Variants in LAD1 observed in about 807,000 individuals in gnomAD.
The protein encoded by LAD1 is ladinin 1, also known as ladinin-1.
Under a neutral mutation model 54.2 loss-of-function variants are expected in LAD1, and 53 were observed. That is an observed-to-expected ratio of 0.98 (90% CI 0.78 to 1.23). The LOEUF (loss-of-function observed/expected upper bound fraction) is 1.23, where lower values mean the gene tolerates loss of function less well. Ranked by LOEUF, LAD1 falls within the 50% of genes most tolerant of loss-of-function variation. The probability of loss-of-function intolerance (pLI) is 0.00; values close to 1 mark genes in which losing one functional copy is unlikely to be tolerated. For synonymous variants in LAD1, 231 were observed against 257.7 expected, an observed-to-expected ratio of 0.90 and a Z score of 0.99; for missense variants, 637 against 653.3, an observed-to-expected ratio of 0.98 and a Z score of 0.27.
intron 1 of LAD1, among the ~76,000 whole-genome samples, chr1:201,395,247 G>A (rs1662268655): frequency 6.6e-6 from 1 of 152,208 alleles, no homozygotes; most frequent in South Asian, 2.1e-4. Flanking sequence ...AAAATGGAAG[G>A]GAGGGAAGGG....
chr1:201,392,113 T>C (rs937916994), intron 1 of LAD1, among the ~76,000 whole-genome samples: 2 of 152,284 alleles, frequency 1.3e-5, no homozygotes, highest in African/African-American at 2.4e-5. Context: ...ATCTGGTTTC[T>C]AGTCCTCCTG....
intron 5 of LAD1, among the ~76,000 whole-genome samples, chr1:201,384,306 AC>A (rs1269306057): frequency 1.3e-5 from 2 of 152,032 alleles, no homozygotes; most frequent in Non-Finnish European, 2.9e-5. Context: ...ATACATAAGC[AC>A]ATCTGCTTCT....
intron 7 of LAD1, 68 bp from the exon 8 acceptor site, chr1:201,382,807 T>C: frequency 8.0e-7 from 1 of 1,248,544 alleles, no homozygotes; most frequent in Non-Finnish European, 1.1e-6. Context: ...TCAGAGGCCC[T>C]GGAATGGGAT....
At chr1:201,387,804 C>T (rs1223247243) in intron 2 of LAD1, among the ~76,000 whole-genome samples, 2 of 152,162 alleles carry the variant, frequency 1.3e-5, no homozygotes, top group African/African-American at 4.8e-5. Flanking sequence ...CCCAAAGAAA[C>T]AAAAGTAACA....
At chr1:201,395,563 G>A (rs1399513885) in intron 1 of LAD1, among the ~76,000 whole-genome samples, 4 of 152,090 alleles carry the variant, frequency 2.6e-5, no homozygotes, top group East Asian at 1.9e-4. Flanking sequence ...AGATCAGGCC[G>A]GCCAACATGG....
At chr1:201,394,881 G>C (rs1367763361) in intron 1 of LAD1, among the ~76,000 whole-genome samples, 1 of 152,160 alleles carries the variant, frequency 6.6e-6, no homozygotes, top group African/African-American at 2.4e-5. Flanking sequence ...GAGCCTCCAG[G>C]GTTCCTGGGT....
Position 201,390,694 on chromosome 1 carries a change from G to A in LAD1, c.39-1391C>T, listed in dbSNP as rs188491013. On this transcript the variant is annotated intron_variant, in intron 1 of 9. Coordinates refer to ENST00000391967, the MANE Select transcript of LAD1 (RefSeq NM_005558.4). ...CCAGGGCTGTCCTGGATCACAGGACGTTTAGCAGCATCTCTAGCCTCTACC... is the reference window on the plus strand; with the variant it reads ...CCAGGGCTGTCCTGGATCACAGGACATTTAGCAGCATCTCTAGCCTCTACC... Among the ~76,000 whole-genome samples the A allele has an allele frequency of 6.6e-3, 1,008 of 152,286 alleles. 7 individuals are homozygous for A. The highest frequency in any genetic ancestry group is 0.011 in the Non-Finnish European group (778 of 68,020).
At chr1:201,386,076 G>A (rs946062810) in intron 3 of LAD1, among the ~76,000 whole-genome samples, 2 of 152,208 alleles carry the variant, frequency 1.3e-5, no homozygotes, top group African/African-American at 4.8e-5. Flanking sequence ...CCAGGCCCTG[G>A]ATGAGGATAT....
At chr1:201,385,633 G>A in intron 4 of LAD1, 68 bp downstream of exon 4, 2 of 1,156,390 alleles carry the variant, frequency 1.7e-6, no homozygotes, top group Admixed American at 1.7e-5. Context: ...CTCCTATGTT[G>A]TAATGGATGC....
Position 201,384,773 on chromosome 1 carries a change from G to T in LAD1, c.1175+19C>A, listed in dbSNP as rs569914334. 6.2e-7 allele frequency: 1 copy of T among 1,613,584 alleles called. No individual in the cohort carries two copies. Among genetic ancestry groups the T allele is most frequent in the Admixed American group, 1.7e-5 (1 of 60,020 alleles). On this transcript the variant is annotated intron_variant, in intron 5 of 9. Coordinates refer to ENST00000391967, the MANE Select transcript of LAD1 (RefSeq NM_005558.4). ...GAACATGGCCAAATAGAAAGAACCA[G>T]AGCCTCCAGGCCCCCCACCTGCGAG...
chr1:201,398,128 C>T (rs1220545969), intron 1 of LAD1, among the ~76,000 whole-genome samples: 1 of 152,140 alleles, frequency 6.6e-6, no homozygotes, highest in East Asian at 1.9e-4. Flanking sequence ...CGATGAGCTG[C>T]TATGGAGAGG....
intron 2 of LAD1, among the ~76,000 whole-genome samples, chr1:201,388,345 G>T (rs971538106): frequency 2.3e-4 from 35 of 151,092 alleles, no homozygotes; most frequent in African/African-American, 7.6e-4. Context: ...CCAAGATTGC[G>T]CCACTGCACT....
chr1:201,397,003 G>A (rs1662302490), intron 1 of LAD1, among the ~76,000 whole-genome samples: 1 of 152,212 alleles, frequency 6.6e-6, no homozygotes, highest in Non-Finnish European at 1.5e-5. Context: ...AGTCCGGGGA[G>A]AAAAGGACAA....
chr1:201,386,686 G>A lies in LAD1; in HGVS notation c.675C>T (p.Asn225=), dbSNP rs367986098. Reference sequence around the variant, plus strand: ...CTAGAACAGACTTCTTCTCTGAGCTGTTTCTTTTCTCTGACACTGCTATCT... The same window carrying A: ...CTAGAACAGACTTCTTCTCTGAGCTATTTCTTTTCTCTGACACTGCTATCT... ...SEKIAVSEKR[N]SSEKKSVLEK... The change falls in exon 3 of 10, where the codon AAC becomes AAT. Residue 225 remains asparagine (N), a synonymous_variant. Coordinates refer to ENST00000391967, the MANE Select transcript of LAD1 (RefSeq NM_005558.4). 18 of 1,614,080 alleles carry A rather than the reference G, an allele frequency of 1.1e-5. No individual in the cohort carries two copies. Among genetic ancestry groups the A allele is most frequent in the Non-Finnish European group, 1.4e-5 (17 of 1,180,032 alleles).
chr1:201,387,266 C>A (rs369509551), intron 2 of LAD1, 88 bp from the exon 3 acceptor site: 12 of 1,357,078 alleles, frequency 8.8e-6, no homozygotes, highest in Middle Eastern at 2.5e-4. Flanking sequence ...CTGCCAGGGC[C>A]ACCAAGGAGG....
At position 201,389,095 on chromosome 1, in the gene LAD1, T is replaced by C. The variant is rs1018106325; in HGVS notation, c.182+65A>G. On this transcript the variant is annotated intron_variant, in intron 2 of 9. Transcript: ENST00000391967. ...CCCAACTCCCTGAGCAGACTGAATA[T>C]GCTGCACTTAGTCTGAGGCAACCAG... The C allele has an allele frequency of 1.2e-5, 19 of 1,559,628 alleles. No homozygotes were observed. The African/African-American group carries it at 2.6e-4, about 21-fold the overall frequency.
chr1:201,398,257 A>T (rs925577348), intron 1 of LAD1, among the ~76,000 whole-genome samples: 6 of 152,192 alleles, frequency 3.9e-5, no homozygotes. Context: ...GGGAAAGCCT[A>T]CAGGACCCAA....
intron 2 of LAD1, among the ~76,000 whole-genome samples, chr1:201,387,702 C>T (rs1218849354): frequency 1.3e-5 from 2 of 152,168 alleles, no homozygotes; most frequent in African/African-American, 4.8e-5. Context: ...CAGCTCTGGA[C>T]ATCCTCCAGA....
chr1:201,383,558 C>G (rs1662012636), intron 5 of LAD1, 169 bp from the exon 6 acceptor site: 2 of 677,508 alleles, frequency 3.0e-6, no homozygotes, highest in East Asian at 5.4e-5. Flanking sequence ...GAGGAACTTA[C>G]AGACGCCAGG....
Sources: gnomAD v4.1 joint callset for allele counts (sites outside exome capture counted in the v4.1 genomes callset) on GRCh38, gnomAD v4.1.1 for gene constraint, MANE v1.5 for transcripts, NCBI Gene and HGNC (gene_info 2026-07-23, HGNC 2026-07-21) for gene names.